Variants in PGM5 observed in about 807,000 individuals in gnomAD.
The protein encoded by PGM5 is phosphoglucomutase-like protein 5.
In PGM5, 23 loss-of-function variants were observed where a neutral mutation model predicts 59.2. The observed-to-expected ratio is 0.39, with a 90% CI of 0.28 to 0.55. PGM5 has a LOEUF of 0.55. Among genes scored for constraint, PGM5 ranks in the 20% least tolerant of loss-of-function variants. The pLI is 0.66. For missense variants in PGM5, 574 were observed against 748.3 expected (o/e 0.77, Z 2.72); for synonymous variants, 214 against 286.0 (o/e 0.75, Z 2.54).
At chr9:68,457,792 A>G (rs1308869055) in intron 6 of PGM5, among the ~76,000 whole-genome samples, 1 of 152,054 alleles carries the variant, frequency 6.6e-6, no homozygotes. Flanking sequence ...TTCCAAGAGT[A>G]TTATATAAGT....
chr9:68,375,618 C>T (rs1821859037), intron 1 of PGM5, among the ~76,000 whole-genome samples: 1 of 152,254 alleles, frequency 6.6e-6, no homozygotes, highest in East Asian at 1.9e-4. Context: ...TTACCACATG[C>T]CAGATTTATT....
chr9:68,359,315 A>T (rs1339343908), intron 1 of PGM5, among the ~76,000 whole-genome samples: 1 of 152,242 alleles, frequency 6.6e-6, no homozygotes, highest in Non-Finnish European at 1.5e-5. Flanking sequence ...ACTAGCTGTT[A>T]TAAAGGACAG....
chr9:68,485,339 C>T (rs1554687467), intron 9 of PGM5, among the ~76,000 whole-genome samples: 1 of 152,126 alleles, frequency 6.6e-6, no homozygotes, highest in Non-Finnish European at 1.5e-5. Flanking sequence ...TGTGTCCCCA[C>T]CCAAATCTCA....
At chr9:68,478,654 A>T (rs550036017) in intron 7 of PGM5, among the ~76,000 whole-genome samples, 15 of 152,262 alleles carry the variant, frequency 9.9e-5, no homozygotes, top group African/African-American at 3.1e-4. Context: ...ATGTTCCATG[A>T]CTTGTGGCGG....
chr9:68,358,320 C>T (rs1272759333), intron 1 of PGM5, among the ~76,000 whole-genome samples: 2 of 152,138 alleles, frequency 1.3e-5, no homozygotes, highest in African/African-American at 4.8e-5. Context: ...GGTTTTTCTC[C>T]CTCTGCCCCT....
chr9:68,357,035 G>C lies in PGM5; in HGVS notation c.-93G>C. The C allele has an allele frequency of 7.8e-7, 1 of 1,289,514 alleles. No homozygotes were observed. The highest frequency in any genetic ancestry group is 1.0e-6 in the Non-Finnish European group (1 of 992,908). 79.9% of individuals were successfully genotyped at this position (1,289,514 alleles called of 1,614,324 possible). The stretch of plus-strand genomic sequence containing the variant: ...AGAGGGGGCCCGGGCGCGAGGCGGA[G>C]TCCCGGCGCGCAGCCAGGCTGGTGG... On this transcript the variant is annotated 5_prime_UTR_variant, in exon 1 of 11. Coordinates refer to ENST00000396396, the MANE Select transcript of PGM5 (RefSeq NM_021965.4).
rs1823455636 is a variant in PGM5, at chr9:68,437,328, G to A, written c.1044-27765G>A. 6.6e-6 allele frequency among the ~76,000 whole-genome samples: 1 copy of A among 152,162 alleles called. No homozygotes were observed. On this transcript the variant is annotated intron_variant, in intron 6 of 10. Coordinates refer to ENST00000396396, the MANE Select transcript of PGM5 (RefSeq NM_021965.4). This position sits in a 1 kb window ranked among gnomAD's most constrained non-coding sequence, Gnocchi z 4.1. ...ACTCTGATAGAGGATATTGTTAGTG[G>A]AGAAAAGGAAGCTTGGCAACTTTCG...
chr9:68,460,502 C>A (rs1823843507), intron 6 of PGM5, among the ~76,000 whole-genome samples: 1 of 152,192 alleles, frequency 6.6e-6, no homozygotes, highest in African/African-American at 2.4e-5. Context: ...CACTGCCCCT[C>A]ATTCTGTAAG....
chr9:68,501,187 G>A (rs1033765462), intron 10 of PGM5, among the ~76,000 whole-genome samples: 30 of 152,170 alleles, frequency 2.0e-4, no homozygotes, highest in African/African-American at 7.2e-4. Flanking sequence ...CTCCTCAGAA[G>A]CAAGAGTTTT....
At chr9:68,529,323 C>G (rs189850766) in intron 10 of PGM5, among the ~76,000 whole-genome samples, 34 of 152,066 alleles carry the variant, frequency 2.2e-4, no homozygotes, top group Admixed American at 2.2e-3. Flanking sequence ...GTACATTTTC[C>G]TATTATAGAT....
intron 9 of PGM5, 116 bp from the exon 10 acceptor site, chr9:68,499,111 C>A: frequency 8.9e-7 from 1 of 1,122,420 alleles, no homozygotes; most frequent in Non-Finnish European, 1.3e-6. Context: ...TATAAATGGT[C>A]TTGATTCTGA....
intron 10 of PGM5, among the ~76,000 whole-genome samples, chr9:68,519,020 TTTGA>T (rs766222321): frequency 1.3e-5 from 2 of 152,210 alleles, no homozygotes; most frequent in Admixed American, 6.5e-5. Flanking sequence ...CAAAGAATAG[TTTGA>T]TTGACAACTA....
chr9:68,448,995 T>C (rs894532077), intron 6 of PGM5, among the ~76,000 whole-genome samples: 2 of 152,176 alleles, frequency 1.3e-5, no homozygotes, highest in African/African-American at 4.8e-5. Context: ...TTCTCACAGT[T>C]CTGGAGGCTG....
chr9:68,503,718 TGAG>T (rs1380993699), intron 10 of PGM5, among the ~76,000 whole-genome samples: 3 of 152,116 alleles, frequency 2.0e-5, no homozygotes, highest in African/African-American at 7.2e-5. Context: ...CATACAGAAA[TGAG>T]AAGAGTCAGC....
intron 1 of PGM5, among the ~76,000 whole-genome samples, chr9:68,370,930 T>C (rs540384805): frequency 6.6e-6 from 1 of 152,318 alleles, no homozygotes; most frequent in South Asian, 2.1e-4. Flanking sequence ...ATCATGAGTC[T>C]GTCTGTGTGT....
chr9:68,510,531 T>C (rs1464436905), intron 10 of PGM5, among the ~76,000 whole-genome samples: 2 of 152,318 alleles, frequency 1.3e-5, no homozygotes, highest in African/African-American at 4.8e-5. Context: ...ATCAGTCAAA[T>C]TGAGATAGAT....
At chr9:68,527,568 T>C (rs1024056366) in intron 10 of PGM5, among the ~76,000 whole-genome samples, 1 of 152,246 alleles carries the variant, frequency 6.6e-6, no homozygotes, top group Non-Finnish European at 1.5e-5. Context: ...ACATGGGATA[T>C]GTCCTGGCAA....
rs187654150 is a variant in PGM5, at chr9:68,401,988, C to T, written c.1043+9515C>T. Among the ~76,000 whole-genome samples, 700 of 152,036 alleles carry T rather than the reference C, an allele frequency of 4.6e-3. 3 individuals are homozygous for T. Among genetic ancestry groups the T allele is most frequent in the African/African-American group, 0.016 (658 of 41,452 alleles). ...TTAGAAGTGATGAATTTTGGCTGGG[C>T]GCGGTGGCTCACGCCTGTAATCCCA... On this transcript the variant is annotated intron_variant, in intron 6 of 10. Coordinates refer to ENST00000396396, the MANE Select transcript of PGM5 (RefSeq NM_021965.4).
intron 7 of PGM5, among the ~76,000 whole-genome samples, chr9:68,469,539 T>C (rs1554686095): frequency 6.6e-6 from 1 of 152,250 alleles, no homozygotes; most frequent in African/African-American, 2.4e-5. Flanking sequence ...TGTTTTCATA[T>C]GTGCCCAATT....
Sources: allele counts gnomAD v4.1 joint callset (sites outside exome capture counted in the v4.1 genomes callset), GRCh38; gene constraint gnomAD v4.1.1; non-coding constraint Gnocchi (gnomAD v3.1); transcripts MANE v1.5; gene names NCBI Gene and HGNC (gene_info 2026-07-23, HGNC 2026-07-21).